SLC25A29: variants seen among roughly 807,000 people sequenced by gnomAD.
SLC25A29 encodes mitochondrial basic amino acids transporter.
In SLC25A29, 13 loss-of-function variants were observed where a neutral mutation model predicts 10.0. The observed-to-expected ratio is 1.30, with a 90% CI of 0.85 to 2.07. The LOEUF (loss-of-function observed/expected upper bound fraction) is 2.07, where lower values mean the gene tolerates loss of function less well. SLC25A29 is among the 30% of genes most tolerant of loss of function. SLC25A29 has a pLI of 0.00. For missense variants in SLC25A29, 475 were observed against 447.6 expected (o/e 1.06, Z -0.55); for synonymous variants, 244 against 221.1 (o/e 1.10, Z -0.92).
rs1357768098 is a variant in SLC25A29, at chr14:100,295,580, A to T, written c.79-2203T>A. 4.5e-5 allele frequency: 58 copies of T among 1,282,506 alleles called. No homozygotes were observed. In the South Asian group the frequency reaches 6.9e-4, roughly 15 times the overall value. 79.4% of individuals were successfully genotyped at this position (1,282,506 alleles called of 1,614,324 possible). A position where few individuals can be genotyped will look rare whatever the true frequency, so the allele number is the denominator to read the frequency against. ...CTGGGGTTGGGGAGATGGGCATGAC[A>T]GGGTGGGGTCCAGGCTGGGATCTGG... On this transcript the variant is annotated intron_variant, in intron 2 of 3. Coordinates refer to ENST00000359232, the MANE Select transcript of SLC25A29 (RefSeq NM_001039355.3).
At chr14:100,287,539 C>G (rs778274504), downstream of SLC25A29, among the ~76,000 whole-genome samples, 12 of 152,030 alleles carry the variant, frequency 7.9e-5, 1 homozygote, top group Admixed American at 2.6e-4. Context: ...CACATAGTTT[C>G]GCCTCCCTTG....
At chr14:100,283,214 T>C in the SLC25A29 span, among the ~76,000 whole-genome samples, 1 of 152,220 alleles carries the variant, frequency 6.6e-6, no homozygotes, top group Non-Finnish European at 1.5e-5. Flanking sequence ...AGAGCAGAGC[T>C]TCCTCCCTCT....
chr14:100,295,479 C>T (rs1001833042), intron 2 of SLC25A29: 11 of 964,490 alleles, frequency 1.1e-5, no homozygotes, highest in Admixed American at 3.6e-5. Context: ...TTGGCCAGCC[C>T]GAGCCCCCAC....
chr14:100,283,546 C>T, the SLC25A29 span, among the ~76,000 whole-genome samples: 107 of 149,762 alleles, frequency 7.1e-4, no homozygotes, highest in Non-Finnish European at 1.2e-3. Context: ...TGCAGTGGCG[C>T]GCAATCTCAG....
chr14:100,287,629 C>A (rs896700304), downstream of SLC25A29, among the ~76,000 whole-genome samples: 3 of 50,472 alleles, frequency 5.9e-5, 1 homozygote, highest in Admixed American at 2.1e-4. Context: ...TGGAGCACCA[C>A]CCCCCCCCTC....
chr14:100,298,521 A>T, intron 2 of SLC25A29: 1 of 444,130 alleles, frequency 2.3e-6, no homozygotes, highest in East Asian at 4.7e-5. Context: ...TTTCTCTCTG[A>T]ACTTTTCTTT....
At position 100,304,195 on chromosome 14, in the gene SLC25A29, G is replaced by A. The variant is rs142732029; in HGVS notation, c.34+2004C>T. 1.1e-3 allele frequency among the ~76,000 whole-genome samples: 165 copies of A among 152,330 alleles called. 5 individuals are homozygous for A. The East Asian group carries it at 0.028, about 26-fold the overall frequency. On this transcript the variant is annotated intron_variant, in intron 1 of 3. Coordinates refer to ENST00000359232, the MANE Select transcript of SLC25A29 (RefSeq NM_001039355.3). ...TAGGTTGGGGGCACCCCAAGAAGGA[G>A]CCAGGCAGGGGCTGCTGGGGTACGG...
chr14:100,298,964 C>T, intron 1 of SLC25A29, 79 bp from the exon 2 acceptor site: 1 of 1,575,880 alleles, frequency 6.3e-7, no homozygotes, highest in South Asian at 1.1e-5. Flanking sequence ...GGGGTTCTGA[C>T]AAGGAAGACT....
rs755012126 is a variant in SLC25A29, at chr14:100,292,472, G to C, written c.723C>G (p.Ala241=). The part of the protein sequence containing the change: ...ILDCVHQSYR[A]EGWRVFTRGL... ...CCCGTGTGAAGACGCGCCAGCCCTC[G>C]GCGCGGTAGCTCTGGTGCACGCAGT... The change falls in exon 4 of 4, where the codon GCC becomes GCG. Residue 241 remains alanine (A), a synonymous_variant. Transcript: ENST00000359232. 4.1e-5 allele frequency: 65 copies of C among 1,581,742 alleles called. 1 individual carries two copies. The African/African-American group carries it at 7.5e-4, about 18-fold the overall frequency.
chr14:100,287,345 G>A (rs1235192855), downstream of SLC25A29, among the ~76,000 whole-genome samples: 1 of 152,244 alleles, frequency 6.6e-6, no homozygotes, highest in Non-Finnish European at 1.5e-5. Context: ...CCAAGGACCT[G>A]AGCACCAGCC....
chr14:100,282,091 CTG>C, the SLC25A29 span: 1 of 152,210 alleles, frequency 6.6e-6, no homozygotes, highest in South Asian at 2.1e-4. Context: ...CTCCCACAAA[CTG>C]GGTGCCGTAA....
At chr14:100,283,485 T>C in the SLC25A29 span, among the ~76,000 whole-genome samples, 1 of 128,478 alleles carries the variant, frequency 7.8e-6, no homozygotes, top group African/African-American at 2.6e-5. Flanking sequence ...TGGAATTGCT[T>C]TTTTTTTTTT....
chr14:100,305,871 G>A, intron 1 of SLC25A29: 1 of 304,382 alleles, frequency 3.3e-6, no homozygotes, highest in Non-Finnish European at 6.0e-6. Context: ...GGGAGGGGAA[G>A]GAGATGAGCC....
downstream of SLC25A29, among the ~76,000 whole-genome samples, chr14:100,286,872 A>C (rs1375768868): frequency 6.7e-6 from 1 of 150,154 alleles, no homozygotes; most frequent in Non-Finnish European, 1.5e-5. Flanking sequence ...GCTGAAGGGC[A>C]AAGGATGGGC....
chr14:100,296,069 C>CGGGTGGCCCCTGATGATCCTA (rs1566800934), intron 2 of SLC25A29: 8 of 1,246,904 alleles, frequency 6.4e-6, no homozygotes, highest in Non-Finnish European at 8.3e-6. Context: ...GACACAGACT[C>CGGGTGGCCCCTGATGATCCTA]GGGTGGCCCC....
chr14:100,305,149 C>T (rs1050589147), intron 1 of SLC25A29: 1 of 152,074 alleles, frequency 6.6e-6, no homozygotes, highest in Non-Finnish European at 1.5e-5. Context: ...CAACACCTCC[C>T]CAACACACTC....
the SLC25A29 span, among the ~76,000 whole-genome samples, chr14:100,285,170 A>T: frequency 1.3e-5 from 2 of 151,836 alleles, no homozygotes; most frequent in Non-Finnish European, 2.9e-5. Flanking sequence ...GGACCCTAGG[A>T]ATATCCCGGG....
the SLC25A29 span, among the ~76,000 whole-genome samples, chr14:100,285,192 A>T: frequency 3.3e-5 from 5 of 152,050 alleles, no homozygotes; most frequent in Non-Finnish European, 5.9e-5. Flanking sequence ...GCTGGTGGCC[A>T]GCCCTAGCCC....
chr14:100,284,525 T>G, the SLC25A29 span, among the ~76,000 whole-genome samples: 1 of 152,200 alleles, frequency 6.6e-6, no homozygotes, highest in Non-Finnish European at 1.5e-5. Context: ...CAGAGCCCAG[T>G]CCTGGCTTTA....
Sources: gnomAD v4.1 joint callset for allele counts (sites outside exome capture counted in the v4.1 genomes callset) on GRCh38, gnomAD v4.1.1 for gene constraint, MANE v1.5 for transcripts, NCBI Gene and HGNC (gene_info 2026-07-23, HGNC 2026-07-21) for gene names.